TNC: variants seen among roughly 807,000 people sequenced by gnomAD.
TNC encodes the protein tenascin.
A neutral mutation model predicts 202.4 loss-of-function variants in TNC; 109 were observed. The ratio of observed to expected loss-of-function variants is 0.54; its 90% CI spans 0.46 to 0.63. The LOEUF (loss-of-function observed/expected upper bound fraction) is 0.63. Ranked by LOEUF, TNC falls within the 30% of genes least tolerant of loss-of-function variation. TNC has a pLI of 0.00. For missense variants in TNC, 2,756 were observed against 2,833.3 expected, an observed-to-expected ratio of 0.97 and a Z score of 0.62; for synonymous variants, 1,007 against 1,089.7, an observed-to-expected ratio of 0.92 and a Z score of 1.50.
At chr9:115,096,441 A>G (rs1369053268) in intron 1 of TNC, among the ~76,000 whole-genome samples, 2 of 152,232 alleles carry the variant, frequency 1.3e-5, no homozygotes. Context: ...GAACATCTCT[A>G]TCATCCAAAG....
chr9:115,090,128 C>T (rs1835107193), intron 2 of TNC, among the ~76,000 whole-genome samples: 1 of 152,106 alleles, frequency 6.6e-6, no homozygotes, highest in Admixed American at 6.5e-5. Context: ...TCAGGAATCC[C>T]ATCCTCTTTC....
rs532317694 is a variant in TNC, at chr9:115,019,704, C to T, written c.*1453G>A. The T allele has an allele frequency of 1.3e-5, 2 of 152,276 alleles. No homozygotes were observed. The highest frequency in any genetic ancestry group is 2.1e-4 in the South Asian group (1 of 4,822). 9.4% of individuals were successfully genotyped at this position (152,276 alleles called of 1,614,324 possible). ...ACATGTACTAGCACTTAATATACAC[C>T]GGGTACCATTCTAAGGGCCTCAAAT... On this transcript the variant is annotated 3_prime_UTR_variant, in exon 28 of 28. Transcript: ENST00000350763.
intron 1 of TNC, among the ~76,000 whole-genome samples, chr9:115,092,700 A>G (rs932961836): frequency 1.3e-5 from 2 of 151,574 alleles, no homozygotes; most frequent in African/African-American, 2.4e-5. Flanking sequence ...CAGCCTCCCA[A>G]GTAGCTGGGA....
intron 27 of TNC, among the ~76,000 whole-genome samples, chr9:115,023,206 G>T (rs1297739505): frequency 3.9e-5 from 6 of 152,112 alleles, no homozygotes; most frequent in Admixed American, 2.6e-4. Context: ...GCGTGGTGTG[G>T]CCCCAAGGGA....
intron 15 of TNC, among the ~76,000 whole-genome samples, chr9:115,055,201 G>T (rs1832017548): frequency 6.6e-6 from 1 of 152,194 alleles, no homozygotes; most frequent in African/African-American, 2.4e-5. Flanking sequence ...AGATGATTTA[G>T]AAATTCAACC....
intron 1 of TNC, among the ~76,000 whole-genome samples, chr9:115,100,596 TTAAGATCTATCTCTTCCTC>T (rs1564146156): frequency 6.6e-6 from 1 of 152,204 alleles, no homozygotes; most frequent in East Asian, 1.9e-4. Context: ...AGGAATTCGA[TTAAGATCTATCTCTTCCTC>T]TAGACCATTG....
chr9:115,108,645 C>T (rs923511370), intron 1 of TNC, among the ~76,000 whole-genome samples: 1 of 152,184 alleles, frequency 6.6e-6, no homozygotes, highest in African/African-American at 2.4e-5. Context: ...TGTCTGCCTT[C>T]CCCCTGCTAT....
At chr9:115,039,899 G>A (rs1208116488) in intron 19 of TNC, among the ~76,000 whole-genome samples, 2 of 152,242 alleles carry the variant, frequency 1.3e-5, no homozygotes, top group Admixed American at 6.5e-5. Context: ...CAGGGTGGAC[G>A]GGACTCTGGG....
At position 115,031,604 on chromosome 9, in the gene TNC, C is replaced by T. The variant is rs1164544622; in HGVS notation, c.5869G>A (p.Ala1957Thr). The change falls in exon 23 of 28, where the codon GCA becomes ACA. Residue 1957 changes from alanine (A) to threonine (T), a missense_variant. Ala to Thr is a moderately conservative substitution (Grantham distance 58). Transcript: ENST00000350763. ...PSTHYTAKIQ[A>T]LNGPLRSNMI... ...TTGCTCCTCAGGGGCCCATTGAGTG[C>T]CTGGATCTTGGCTGTGTAGTGGGTG... 6.2e-7 allele frequency: 1 copy of T among 1,611,090 alleles called. No homozygotes were observed. The highest frequency in any genetic ancestry group is 1.7e-5 in the Admixed American group (1 of 59,588).
At chr9:115,044,556 T>C (rs1038331039) in intron 17 of TNC, among the ~76,000 whole-genome samples, 2 of 152,044 alleles carry the variant, frequency 1.3e-5, no homozygotes, top group Admixed American at 1.3e-4. Context: ...ATTCAATTCA[T>C]GATTATTCAT....
chr9:115,059,669 G>T (rs1832393608), intron 14 of TNC, 61 bp downstream of exon 14: 1 of 1,492,616 alleles, frequency 6.7e-7, no homozygotes, highest in Non-Finnish European at 9.0e-7. Context: ...CTCCGCGCAT[G>T]ATCTCTTGAA....
Position 115,095,472 on chromosome 9 carries a change from A to G in TNC, c.-136-4318T>C, listed in dbSNP as rs1327177727. On this transcript the variant is annotated intron_variant, in intron 1 of 27. Transcript: ENST00000350763. ...TATATATATATGTATATATATATGT[A>G]TATATATGTATATATATATGTATAT... 1.4e-4 allele frequency among the ~76,000 whole-genome samples: 8 copies of G among 58,316 alleles called. 1 individual carries two copies. The highest frequency in any genetic ancestry group is 2.3e-4 in the Non-Finnish European group (7 of 30,810). The allele number at this position is 58,316 out of a possible 152,430, so 38.3% of individuals were successfully genotyped here. A position where few individuals can be genotyped will look rare whatever the true frequency, so the allele number is the denominator to read the frequency against.
intron 1 of TNC, among the ~76,000 whole-genome samples, chr9:115,113,352 C>A (rs952685828): frequency 6.6e-6 from 1 of 152,164 alleles, no homozygotes; most frequent in Non-Finnish European, 1.5e-5. Flanking sequence ...GCTACTTAAA[C>A]GTTTTCAGCC....
At chr9:115,084,906 C>T (rs1402881071) in intron 3 of TNC, among the ~76,000 whole-genome samples, 2 of 152,160 alleles carry the variant, frequency 1.3e-5, no homozygotes, top group Admixed American at 6.5e-5. Flanking sequence ...AACGCCTTGA[C>T]CAAGCTTGCT....
At chr9:115,054,521 C>T (rs1332966000) in intron 15 of TNC, among the ~76,000 whole-genome samples, 1 of 152,182 alleles carries the variant, frequency 6.6e-6, no homozygotes, top group East Asian at 1.9e-4. Flanking sequence ...TGCTACCAGA[C>T]AGACTATCAA....
At chr9:115,024,209 C>A (rs1362206227) in intron 26 of TNC, 73 bp from the exon 27 acceptor site, 2 of 1,504,652 alleles carry the variant, frequency 1.3e-6, no homozygotes, top group Non-Finnish European at 1.8e-6. Context: ...AAGGGCAGAA[C>A]CAGAGGTGAC....
At chr9:115,098,970 T>C (rs1836008509) in intron 1 of TNC, among the ~76,000 whole-genome samples, 2 of 130,702 alleles carry the variant, frequency 1.5e-5, no homozygotes, top group Admixed American at 1.8e-4. Context: ...TGAGGACATC[T>C]GATCTCCATA....
chr9:115,038,381 C>T lies in TNC; in HGVS notation c.5393-1G>A. ...ACCAGGCCAGATGGGCCATCCAGAG[C>T]TGCAAAGAAAGATGGTGGACAGGAG... On this transcript the variant is annotated splice_acceptor_variant, in intron 19 of 27. Coordinates refer to ENST00000350763, the MANE Select transcript of TNC (RefSeq NM_002160.4). LOFTEE classifies it high-confidence loss of function. 1.2e-6 allele frequency: 2 copies of T among 1,613,836 alleles called. No individual in the cohort carries two copies. Among genetic ancestry groups the T allele is most frequent in the Non-Finnish European group, 1.7e-6 (2 of 1,179,806 alleles).
At chr9:115,063,387 T>A (rs757175183) in intron 12 of TNC, among the ~76,000 whole-genome samples, 198 bp from the exon 13 acceptor site, 6 of 152,200 alleles carry the variant, frequency 3.9e-5, no homozygotes, top group Non-Finnish European at 7.3e-5. Flanking sequence ...CTTTTGGGAA[T>A]GAAAAGTAGT....
Sources: gnomAD v4.1 joint callset for allele counts (sites outside exome capture counted in the v4.1 genomes callset) on GRCh38, gnomAD v4.1.1 for gene constraint, MANE v1.5 for transcripts, NCBI Gene and HGNC (gene_info 2026-07-23, HGNC 2026-07-21) for gene names.